TLN2: variants seen among roughly 807,000 people sequenced by gnomAD.
TLN2 encodes talin 2.
Under a neutral mutation model 294.7 loss-of-function variants are expected in TLN2, and 118 were observed. The observed-to-expected ratio is 0.40, with a 90% CI of 0.34 to 0.47. TLN2 has a LOEUF of 0.47. Ranked by LOEUF, TLN2 falls within the 20% of genes least tolerant of loss-of-function variation. The pLI, the probability that TLN2 is intolerant of heterozygous loss-of-function variation, is 0.84. For synonymous variants in TLN2, 1,431 were observed against 1,304.5 expected, an observed-to-expected ratio of 1.10 and a Z score of -2.09; for missense variants, 3,083 against 3,282.2, an observed-to-expected ratio of 0.94 and a Z score of 1.48.
chr15:62,834,540 T>G (rs1318362332), intron 55 of TLN2: 2 of 152,220 alleles, frequency 1.3e-5, no homozygotes, highest in African/African-American at 2.4e-5. Context: ...AAGTCTTTTG[T>G]GAGCTTAGCC....
At chr15:62,484,272 A>G (rs1264820170) in intron 1 of TLN2, among the ~76,000 whole-genome samples, 1 of 152,160 alleles carries the variant, frequency 6.6e-6, no homozygotes, top group Admixed American at 6.5e-5. Flanking sequence ...GTCAAAACTG[A>G]GCAAATTTTA....
At chr15:62,702,617 G>T in intron 18 of TLN2, 149 bp from the exon 19 acceptor site, 1 of 716,258 alleles carries the variant, frequency 1.4e-6, no homozygotes, top group Non-Finnish European at 2.4e-6. Flanking sequence ...ATTTCACCGG[G>T]ATGTCTTCTA....
chr15:62,738,233 A>T lies in TLN2; in HGVS notation c.3587A>T (p.His1196Leu), dbSNP rs1364286286. 3.1e-6 allele frequency: 5 copies of T among 1,613,722 alleles called. No individual in the cohort carries two copies. Among genetic ancestry groups the T allele is most frequent in the Non-Finnish European group, 4.2e-6 (5 of 1,179,890 alleles). ...ATTCAGGTGGCTAAAGCCGTCTCAC[A>T]CTCCTTGAATAACTGCGTAAATTGC... ...RLAQVAKAVS[H>L]SLNNCVNCLP... Residue 1196 changes from histidine to leucine, a missense_variant, in exon 30 of 59, where the codon CAC (histidine) becomes CTC (leucine). His to Leu is a moderately conservative substitution (Grantham distance 99, BLOSUM62 -3). Coordinates refer to ENST00000636159, the MANE Select transcript of TLN2 (RefSeq NM_015059.3).
chr15:62,631,921 CTA>C (rs2049937187), intron 3 of TLN2, among the ~76,000 whole-genome samples: 1 of 152,036 alleles, frequency 6.6e-6, no homozygotes, highest in African/African-American at 2.4e-5. Flanking sequence ...AGTCTCCTCT[CTA>C]TAGATGATGA....
chr15:62,564,211 C>A (rs1053461278), intron 1 of TLN2, among the ~76,000 whole-genome samples: 9 of 152,132 alleles, frequency 5.9e-5, no homozygotes. Flanking sequence ...TTGCAGGAGG[C>A]AGGATGGTGC....
At chr15:62,584,146 G>T (rs551279283) in intron 1 of TLN2, among the ~76,000 whole-genome samples, 2 of 152,178 alleles carry the variant, frequency 1.3e-5, no homozygotes, top group Non-Finnish European at 2.9e-5. Flanking sequence ...AAAGTATTGC[G>T]TGGGACACTG....
chr15:62,624,091 T>C (rs1238801386), intron 3 of TLN2, among the ~76,000 whole-genome samples: 1 of 152,186 alleles, frequency 6.6e-6, no homozygotes, highest in East Asian at 1.9e-4. Context: ...GGTTTGATAA[T>C]AGAGCTACAC....
At chr15:62,678,531 A>C (rs2056479942) in intron 11 of TLN2, among the ~76,000 whole-genome samples, 1 of 152,200 alleles carries the variant, frequency 6.6e-6, no homozygotes, top group African/African-American at 2.4e-5. Context: ...TAGAAATGCT[A>C]GAGAGAAATC....
chr15:62,758,994 C>G (rs925203629), intron 37 of TLN2, among the ~76,000 whole-genome samples: 2 of 152,178 alleles, frequency 1.3e-5, no homozygotes, highest in African/African-American at 4.8e-5. Context: ...TCCCAGATGT[C>G]CGTGGTATTT....
intron 1 of TLN2, among the ~76,000 whole-genome samples, chr15:62,496,655 C>T (rs1486769009): frequency 1.3e-5 from 2 of 152,134 alleles, no homozygotes; most frequent in South Asian, 2.1e-4. Flanking sequence ...TGATTGTTCC[C>T]GGAAATGGAA....
In TLN2 at chr15:62,702,883, T is replaced by C; in HGVS notation, c.2004+19T>C. The C allele has an allele frequency of 6.2e-7, 1 of 1,609,764 alleles. No homozygotes were observed. The highest frequency in any genetic ancestry group is 8.5e-7 in the Non-Finnish European group (1 of 1,176,138). On this transcript the variant is annotated intron_variant, in intron 19 of 58. Transcript: ENST00000636159. ...ATTCCAGGTAAGATATTTGCAGGCT[T>C]ATAGTCATGGAAAGAAGTCTAAGTG...
chr15:62,583,428 C>T lies in TLN2; in HGVS notation c.-237-6259C>T, dbSNP rs118011870. Among the ~76,000 whole-genome samples the T allele has an allele frequency of 3.3e-5, 5 of 152,040 alleles. No homozygotes were observed. In the East Asian group the frequency reaches 9.7e-4, roughly 29 times the overall value. The stretch of plus-strand genomic sequence containing the variant: ...TAATGTACTGAATATCATAGTTGGT[C>T]TAGAGACAAAAAGTTTCTTCTAACC... On this transcript the variant is annotated intron_variant, in intron 1 of 58. Transcript: ENST00000636159.
intron 1 of TLN2, among the ~76,000 whole-genome samples, chr15:62,433,264 A>G (rs537553374): frequency 3.9e-5 from 6 of 152,254 alleles, no homozygotes; most frequent in African/African-American, 1.2e-4. Flanking sequence ...AATCTGACAC[A>G]GAAGCCTGAG....
At chr15:62,663,094 C>T (rs1417315982) in intron 9 of TLN2, among the ~76,000 whole-genome samples, 3 of 152,042 alleles carry the variant, frequency 2.0e-5, no homozygotes, top group African/African-American at 4.8e-5. Context: ...GGATTACAGG[C>T]TTGAGCCACA....
rs776655147 is a variant in TLN2, at chr15:62,707,211, C to T, written c.2130C>T (p.Thr710=). Residue 710 remains threonine (T), a synonymous_variant, in exon 20 of 59, where the codon ACC becomes ACT. Transcript: ENST00000636159. ...VLQNRVIAAA[T]QCALSTSQLV... ...AGAACAGGGTAATTGCTGCTGCCAC[C>T]CAGTGTGCCCTCTCCACCTCCCAGC... is the stretch of plus-strand genomic sequence containing the variant. 1 of 1,613,636 alleles carries T rather than the reference C, an allele frequency of 6.2e-7. No homozygotes were observed. The highest frequency in any genetic ancestry group is 8.5e-7 in the Non-Finnish European group (1 of 1,179,806).
intron 9 of TLN2, among the ~76,000 whole-genome samples, chr15:62,672,304 T>C (rs1027611663): frequency 6.6e-6 from 1 of 152,212 alleles, no homozygotes; most frequent in Non-Finnish European, 1.5e-5. Context: ...CTTAGCAGTC[T>C]CTTAAGGTGA....
chr15:62,407,443 C>T (rs2033472606), intron 1 of TLN2, among the ~76,000 whole-genome samples: 1 of 152,134 alleles, frequency 6.6e-6, no homozygotes. Flanking sequence ...GCTCAGGTTG[C>T]AACCACAGAA....
At chr15:62,698,617 T>C (rs901121381) in intron 15 of TLN2, 137 bp from the exon 16 acceptor site, 4 of 636,310 alleles carry the variant, frequency 6.3e-6, no homozygotes, top group Non-Finnish European at 1.1e-5. Flanking sequence ...AAATGGGAGA[T>C]GGTTGAGGCG....
At chr15:62,827,334 G>A (rs530324487) in intron 54 of TLN2, among the ~76,000 whole-genome samples, 1 of 152,138 alleles carries the variant, frequency 6.6e-6, no homozygotes, top group Non-Finnish European at 1.5e-5. Flanking sequence ...ATATTGAGGA[G>A]GAGGTCAAGA....
Sources: allele counts gnomAD v4.1 joint callset (sites outside exome capture counted in the v4.1 genomes callset), GRCh38; gene constraint gnomAD v4.1.1; transcripts MANE v1.5; gene names NCBI Gene and HGNC (gene_info 2026-07-23, HGNC 2026-07-21).